The following CCDC141 variants were observed in gnomAD, a reference collection of about 807,000 sequenced individuals.
The protein encoded by CCDC141 is coiled-coil domain-containing protein 141.
CCDC141 carries 168 observed loss-of-function variants against 181.0 expected under a neutral mutation model. That is an observed-to-expected ratio of 0.93 (90% CI 0.82 to 1.05). The LOEUF is 1.05. CCDC141 is among the 50% of genes least tolerant of loss of function. CCDC141 has a pLI of 0.00. For missense variants in CCDC141, 1,902 were observed against 1,788.5 expected, an observed-to-expected ratio of 1.06 and a Z score of -1.14; for synonymous variants, 666 against 642.3, an observed-to-expected ratio of 1.04 and a Z score of -0.56.
At chr2:178,853,353 A>G (rs1685245437) in intron 20 of CCDC141, 88 bp downstream of exon 20, 2 of 1,187,408 alleles carry the variant, frequency 1.7e-6, no homozygotes, top group Non-Finnish European at 2.4e-6. Flanking sequence ...GACCCTGAGG[A>G]CTTGCCACAC....
chr2:179,002,373 G>T, intron 2 of CCDC141: 1 of 298,290 alleles, frequency 3.4e-6, no homozygotes, highest in Non-Finnish European at 6.5e-6. Context: ...CAATCTAAAT[G>T]TTCTCAATTG....
At chr2:178,967,052 A>C (rs1227332568) in intron 4 of CCDC141, among the ~76,000 whole-genome samples, 1 of 152,104 alleles carries the variant, frequency 6.6e-6, no homozygotes, top group African/African-American at 2.4e-5. Flanking sequence ...AAGATTAGAG[A>C]TAAAAGAAGA....
intron 4 of CCDC141, among the ~76,000 whole-genome samples, chr2:178,972,454 G>A (rs962157516): frequency 6.6e-6 from 1 of 152,176 alleles, no homozygotes; most frequent in Non-Finnish European, 1.5e-5. Flanking sequence ...TACACAGTGT[G>A]TGAGGTGATG....
chr2:178,834,768 T>C (rs995962822), intron 23 of CCDC141, among the ~76,000 whole-genome samples: 1 of 151,360 alleles, frequency 6.6e-6, no homozygotes, highest in African/African-American at 2.4e-5. Context: ...TTTTAAGAGA[T>C]AGGATCTCGC....
intron 20 of CCDC141, among the ~76,000 whole-genome samples, chr2:178,852,160 A>G (rs1575129462): frequency 1.3e-5 from 2 of 152,316 alleles, no homozygotes; most frequent in South Asian, 4.1e-4. Context: ...TACCTATATA[A>G]AATGTCAGTT....
intron 6 of CCDC141, among the ~76,000 whole-genome samples, chr2:178,936,095 G>T (rs1689275892): frequency 6.6e-6 from 1 of 152,038 alleles, no homozygotes; most frequent in African/African-American, 2.4e-5. Context: ...AAGCTCTTTA[G>T]TTTAATGAGA....
At chr2:178,999,478 C>A (rs772261391) in intron 2 of CCDC141, among the ~76,000 whole-genome samples, 1 of 152,122 alleles carries the variant, frequency 6.6e-6, no homozygotes, top group South Asian at 2.1e-4. Flanking sequence ...ATTCTCTACC[C>A]GTATGCCATA....
intron 22 of CCDC141, among the ~76,000 whole-genome samples, chr2:178,841,424 T>C (rs1684711847): frequency 6.6e-6 from 1 of 152,070 alleles, no homozygotes; most frequent in African/African-American, 2.4e-5. Flanking sequence ...ATAAGGTGAG[T>C]TTAATATATA....
At chr2:178,840,018 G>A (rs1460429885) in intron 22 of CCDC141, among the ~76,000 whole-genome samples, 3 of 152,172 alleles carry the variant, frequency 2.0e-5, no homozygotes, top group Admixed American at 6.6e-5. Flanking sequence ...CTTGTGTTAA[G>A]AATATCTTCC....
chr2:178,868,935 A>G (rs1285262279), intron 15 of CCDC141, among the ~76,000 whole-genome samples, 182 bp downstream of exon 15: 3 of 152,172 alleles, frequency 2.0e-5, no homozygotes, highest in African/African-American at 4.8e-5. Flanking sequence ...AGGGACAAAG[A>G]GCTCAGTTTG....
chr2:178,940,596 T>C (rs894781393), intron 6 of CCDC141, among the ~76,000 whole-genome samples: 2 of 152,126 alleles, frequency 1.3e-5, no homozygotes, highest in African/African-American at 4.8e-5. Context: ...AAAAATGTTT[T>C]TAAAGATATT....
chr2:178,819,050 ATCTG>A, the CCDC141 span, among the ~76,000 whole-genome samples: 1 of 152,218 alleles, frequency 6.6e-6, no homozygotes, highest in Non-Finnish European at 1.5e-5. Context: ...TTTACTGGGG[ATCTG>A]TCTGAGTAAG....
intron 3 of CCDC141, among the ~76,000 whole-genome samples, chr2:178,976,176 G>A (rs1215117765): frequency 6.6e-6 from 1 of 152,106 alleles, no homozygotes; most frequent in African/African-American, 2.4e-5. Context: ...TAGACAAATA[G>A]TTGGCTTGTT....
chr2:178,839,900 G>A (rs1163358465), intron 22 of CCDC141, among the ~76,000 whole-genome samples: 3 of 152,058 alleles, frequency 2.0e-5, no homozygotes, highest in Non-Finnish European at 2.9e-5. Context: ...CCTCCTTATG[G>A]GGACTTTGAT....
At chr2:179,011,077 G>A (rs2042256540) in intron 2 of CCDC141, among the ~76,000 whole-genome samples, 4 of 152,044 alleles carry the variant, frequency 2.6e-5, no homozygotes, top group Admixed American at 2.0e-4. Flanking sequence ...AGAATCACTT[G>A]AACCTGGGAG....
chr2:179,016,438 T>C (rs1029600874), intron 2 of CCDC141, among the ~76,000 whole-genome samples: 2 of 152,066 alleles, frequency 1.3e-5, no homozygotes, highest in African/African-American at 4.8e-5. Flanking sequence ...AAAGAAAATA[T>C]GCAACAGCAT....
intron 6 of CCDC141, among the ~76,000 whole-genome samples, chr2:178,938,919 C>T (rs1295545201): frequency 6.6e-6 from 1 of 152,080 alleles, no homozygotes; most frequent in East Asian, 1.9e-4. Context: ...GCTCCCAGAA[C>T]GTATTCTGTT....
chr2:178,858,410 G>A (rs1685473567), intron 17 of CCDC141, among the ~76,000 whole-genome samples: 1 of 149,662 alleles, frequency 6.7e-6, no homozygotes, highest in Non-Finnish European at 1.5e-5. Flanking sequence ...ATAAAATTTT[G>A]GCAGGAGTTT....
At chr2:178,923,314 C>T (rs1295924506) in intron 6 of CCDC141, among the ~76,000 whole-genome samples, 1 of 151,818 alleles carries the variant, frequency 6.6e-6, no homozygotes, top group African/African-American at 2.4e-5. Flanking sequence ...CCATTTTAGC[C>T]GGGATGGTCT....
Sources: gnomAD v4.1 joint callset for allele counts (sites outside exome capture counted in the v4.1 genomes callset) on GRCh38, gnomAD v4.1.1 for gene constraint, MANE v1.5 for transcripts, NCBI Gene and HGNC (gene_info 2026-07-23, HGNC 2026-07-21) for gene names.